The following FAR2 variants were observed in gnomAD, a reference collection of about 807,000 sequenced individuals.
FAR2 encodes epididymis secretory protein Li 81.
Under a neutral mutation model 56.0 loss-of-function variants are expected in FAR2, and 19 were observed. That is an observed-to-expected ratio of 0.34 (90% CI 0.24 to 0.50). The LOEUF (loss-of-function observed/expected upper bound fraction) is 0.50, where lower values mean the gene tolerates loss of function less well. Ranked by LOEUF, FAR2 falls within the 20% of genes least tolerant of loss-of-function variation. The pLI, the probability that FAR2 is intolerant of heterozygous loss-of-function variation, is 0.98. For missense variants in FAR2, 508 were observed against 642.2 expected, an observed-to-expected ratio of 0.79 and a Z score of 2.26; for synonymous variants, 219 against 218.8, an observed-to-expected ratio of 1.00 and a Z score of -0.01.
chr12:29,288,941 G>A (rs759258078), intron 2 of FAR2, among the ~76,000 whole-genome samples: 1 of 152,018 alleles, frequency 6.6e-6, no homozygotes, highest in Non-Finnish European at 1.5e-5. Flanking sequence ...CTTTAAAATA[G>A]CCACACATAA....
intron 1 of FAR2, among the ~76,000 whole-genome samples, chr12:29,228,003 A>G (rs990105235): frequency 9.9e-5 from 15 of 151,886 alleles, no homozygotes; most frequent in African/African-American, 2.9e-4. Context: ...AGGTGGGGAG[A>G]GATAGCATTA....
rs553595747 is a variant in FAR2 at position 29,152,147 on chromosome 12, T to C, written c.-39+2740T>C. Among the ~76,000 whole-genome samples the C allele has an allele frequency of 7.2e-5, 11 of 152,336 alleles. No individual in the cohort carries two copies. In the East Asian group the frequency reaches 1.9e-3, roughly 27 times the overall value. ...ATAACTTCTTGGATCCCAAAGGTAG[T>C]TATTGAATTAAATTAATGTTTGGGT... On this transcript the variant is annotated intron_variant, in intron 1 of 11. Transcript: ENST00000536681.
At chr12:29,194,521 C>CCCCACA (rs10627589) in intron 1 of FAR2, among the ~76,000 whole-genome samples, 1 of 140,792 alleles carries the variant, frequency 7.1e-6, no homozygotes, top group Admixed American at 7.3e-5. Flanking sequence ...GCTAGTGATG[C>CCCCACA]CACACACACA....
intron 10 of FAR2, among the ~76,000 whole-genome samples, chr12:29,328,649 A>G (rs1014190607): frequency 1.3e-5 from 2 of 151,178 alleles, no homozygotes; most frequent in African/African-American, 4.9e-5. Context: ...AGGACAAAAA[A>G]CCAAACACCG....
At chr12:29,270,795 G>T (rs947515817) in intron 2 of FAR2, among the ~76,000 whole-genome samples, 157 bp downstream of exon 2, 3 of 152,238 alleles carry the variant, frequency 2.0e-5, no homozygotes, top group African/African-American at 7.2e-5. Context: ...GCTGCTGGTG[G>T]AAATCGGTGT....
intron 1 of FAR2, among the ~76,000 whole-genome samples, chr12:29,235,557 T>C (rs1338744910): frequency 6.6e-6 from 1 of 152,184 alleles, no homozygotes; most frequent in African/African-American, 2.4e-5. Context: ...GGCAAGAAGA[T>C]AAATCTATAG....
intron 1 of FAR2, among the ~76,000 whole-genome samples, chr12:29,165,508 T>A (rs1949817772): frequency 6.6e-6 from 1 of 152,232 alleles, no homozygotes; most frequent in South Asian, 2.1e-4. Flanking sequence ...ATAATTTTGG[T>A]TAGGAGAGAG....
intron 1 of FAR2, among the ~76,000 whole-genome samples, chr12:29,264,506 G>T (rs1948477695): frequency 6.6e-6 from 1 of 151,888 alleles, no homozygotes; most frequent in East Asian, 1.9e-4. Flanking sequence ...CAGGTGCATT[G>T]GCTCTTGCCT....
At chr12:29,154,296 A>G (rs911505043) in intron 1 of FAR2, among the ~76,000 whole-genome samples, 13 of 147,826 alleles carry the variant, frequency 8.8e-5, no homozygotes, top group Non-Finnish European at 1.6e-4. Context: ...ACTGCAGTCT[A>G]TGAATTATTA....
chr12:29,270,846 G>A (rs888727122), intron 2 of FAR2, among the ~76,000 whole-genome samples: 4 of 152,104 alleles, frequency 2.6e-5, no homozygotes, highest in African/African-American at 9.7e-5. Flanking sequence ...TTCAGTCCAG[G>A]GCAGGTGAGA....
intron 8 of FAR2, among the ~76,000 whole-genome samples, chr12:29,314,907 G>A (rs1401962415): frequency 6.6e-6 from 1 of 152,124 alleles, no homozygotes; most frequent in Non-Finnish European, 1.5e-5. Context: ...GAAAGTAATT[G>A]TATGTTGCTG....
At chr12:29,290,447 GA>G (rs1051749214) in intron 2 of FAR2, among the ~76,000 whole-genome samples, 163 of 131,692 alleles carry the variant, frequency 1.2e-3, no homozygotes, top group Middle Eastern at 3.9e-3. Context: ...CTCTGTCTGA[GA>G]AAAAAAAAAA....
intron 1 of FAR2, among the ~76,000 whole-genome samples, chr12:29,257,521 C>G (rs189908079): frequency 6.6e-6 from 1 of 152,166 alleles, no homozygotes; most frequent in African/African-American, 2.4e-5. Context: ...TTTGTTCTTT[C>G]GCTCTTTGCA....
chr12:29,201,950 C>T (rs1255851155), intron 1 of FAR2, among the ~76,000 whole-genome samples: 3 of 152,196 alleles, frequency 2.0e-5, no homozygotes, highest in East Asian at 1.9e-4. Flanking sequence ...TGTTAGTTCT[C>T]GGCTTTGGAT....
chr12:29,297,603 A>T (rs1231134270), intron 4 of FAR2, among the ~76,000 whole-genome samples: 1 of 152,200 alleles, frequency 6.6e-6, no homozygotes, highest in Non-Finnish European at 1.5e-5. Flanking sequence ...TACCTGTGTG[A>T]CTGAGCAAAT....
intron 1 of FAR2, among the ~76,000 whole-genome samples, chr12:29,166,524 C>A (rs1296934922): frequency 6.6e-6 from 1 of 152,206 alleles, no homozygotes; most frequent in African/African-American, 2.4e-5. Flanking sequence ...TGCCCGTCAC[C>A]TCCAGATTAT....
At chr12:29,333,561 A>G in intron 11 of FAR2, 71 bp from the exon 12 acceptor site, 1 of 1,391,106 alleles carries the variant, frequency 7.2e-7, no homozygotes, top group African/African-American at 1.4e-5. Flanking sequence ...AGGAAAACAC[A>G]TATTTATCTT....
chr12:29,280,786 G>C (rs1454240408), intron 2 of FAR2: 5 of 152,240 alleles, frequency 3.3e-5, no homozygotes. Flanking sequence ...AGAGGCACTG[G>C]ACATCATGTG....
chr12:29,304,597 A>T (rs1949226347), intron 4 of FAR2, among the ~76,000 whole-genome samples: 1 of 152,220 alleles, frequency 6.6e-6, no homozygotes. Flanking sequence ...GGGGAGGGGA[A>T]ATACATATGC....
Sources: allele counts gnomAD v4.1 joint callset (sites outside exome capture counted in the v4.1 genomes callset), GRCh38; gene constraint gnomAD v4.1.1; transcripts MANE v1.5; gene names NCBI Gene and HGNC (gene_info 2026-07-23, HGNC 2026-07-21).